Variants in TENM2 observed in about 807,000 individuals in gnomAD.
The protein encoded by TENM2 is teneurin-2.
In TENM2, 52 loss-of-function variants were observed where a neutral mutation model predicts 245.2. That is an observed-to-expected ratio of 0.21 (90% CI 0.17 to 0.27). The LOEUF (loss-of-function observed/expected upper bound fraction) is 0.27, where lower values mean the gene tolerates loss of function less well. TENM2 is among the 10% of genes least tolerant of loss of function. TENM2 has a pLI of 1.00. For synonymous variants in TENM2, 1,363 were observed against 1,438.9 expected, an observed-to-expected ratio of 0.95 and a Z score of 1.19; for missense variants, 3,046 against 3,666.8, an observed-to-expected ratio of 0.83 and a Z score of 4.37.
upstream of TENM2, among the ~76,000 whole-genome samples, chr5:167,282,878 ACTTAATGTC>A (rs1183672112): frequency 6.6e-6 from 1 of 152,076 alleles, no homozygotes; most frequent in Non-Finnish European, 1.5e-5. Flanking sequence ...CAAAAACACT[ACTTAATGTC>A]CTCTAAGCAG....
chr5:167,819,843 T>A (rs963675517), intron 2 of TENM2, among the ~76,000 whole-genome samples: 13 of 152,186 alleles, frequency 8.5e-5, no homozygotes, highest in African/African-American at 2.9e-4. Flanking sequence ...GGGCTGTGGC[T>A]TCAATGGGGC....
intron 12 of TENM2, among the ~76,000 whole-genome samples, chr5:168,139,018 G>A (rs1303377193): frequency 2.0e-5 from 3 of 152,172 alleles, no homozygotes; most frequent in African/African-American, 7.2e-5. Context: ...CCTTCTCACT[G>A]TTTCTATCAA....
chr5:168,092,049 C>T (rs901303851), intron 8 of TENM2, among the ~76,000 whole-genome samples: 1 of 152,064 alleles, frequency 6.6e-6, no homozygotes, highest in African/African-American at 2.4e-5. Context: ...TGTCTAGTAT[C>T]GCTCTTTTTC....
At chr5:167,862,900 C>T (rs558964563) in intron 2 of TENM2, among the ~76,000 whole-genome samples, 60 of 152,310 alleles carry the variant, frequency 3.9e-4, no homozygotes, top group Admixed American at 5.9e-4. Flanking sequence ...GAAGAGAGCT[C>T]GCTGCAGACT....
chr5:167,601,559 G>T (rs1334746536), intron 2 of TENM2, among the ~76,000 whole-genome samples: 2 of 152,210 alleles, frequency 1.3e-5, no homozygotes, highest in African/African-American at 2.4e-5. Context: ...GAAGATCCAT[G>T]AGAGAGTAAC....
At chr5:167,842,767 G>A (rs1394384400) in intron 2 of TENM2, among the ~76,000 whole-genome samples, 3 of 152,006 alleles carry the variant, frequency 2.0e-5, no homozygotes, top group African/African-American at 7.3e-5. Context: ...CTTCCTTGTG[G>A]CAGTGTCAAG....
chr5:167,024,129 A>C, the TENM2 span, among the ~76,000 whole-genome samples: 1 of 152,222 alleles, frequency 6.6e-6, no homozygotes, highest in African/African-American at 2.4e-5. Flanking sequence ...ACTGACAAGC[A>C]ATCAGGTTAG....
chr5:168,041,772 A>G (rs1172296712), intron 5 of TENM2, among the ~76,000 whole-genome samples: 1 of 152,198 alleles, frequency 6.6e-6, no homozygotes, highest in African/African-American at 2.4e-5. Flanking sequence ...TGTTTAGTAA[A>G]TATGTGCTGA....
intron 2 of TENM2, among the ~76,000 whole-genome samples, chr5:167,804,377 G>A (rs544954975): frequency 6.6e-6 from 1 of 152,180 alleles, no homozygotes; most frequent in African/African-American, 2.4e-5. Context: ...ATTCTATGCT[G>A]AGATCTGAGG....
intron 17 of TENM2, among the ~76,000 whole-genome samples, chr5:168,202,138 A>G (rs1355645193): frequency 2.6e-5 from 4 of 152,202 alleles, no homozygotes; most frequent in African/African-American, 4.8e-5. Context: ...TTGCAAAATG[A>G]TAGTTTAATT....
At chr5:167,993,302 G>C in intron 5 of TENM2, 120 bp downstream of exon 7, 1 of 751,246 alleles carries the variant, frequency 1.3e-6, no homozygotes, top group Non-Finnish European at 2.2e-6. Flanking sequence ...GCTCCTGAAA[G>C]ATGTGATAAT....
At chr5:168,240,728 A>AT (rs1357140831) in intron 25 of TENM2, among the ~76,000 whole-genome samples, 11 of 151,900 alleles carry the variant, frequency 7.2e-5, no homozygotes, top group South Asian at 2.1e-4. Context: ...AAGAAAAAAA[A>AT]ATATAAGAAA....
chr5:167,293,018 G>A (rs1453521828), intron 1 of TENM2, among the ~76,000 whole-genome samples: 2 of 152,192 alleles, frequency 1.3e-5, no homozygotes, highest in Admixed American at 1.3e-4. Context: ...GAGCTAGAGT[G>A]GCAGAGAGAG....
the TENM2 span, among the ~76,000 whole-genome samples, chr5:167,018,074 AT>A: frequency 2.6e-5 from 4 of 152,202 alleles, no homozygotes; most frequent in Admixed American, 6.5e-5. Context: ...CTTCTTCATA[AT>A]GTATTCTTTC....
chr5:168,249,453 G>GGTGTGTGTGTGT (rs3084277), intron 27 of TENM2, among the ~76,000 whole-genome samples: 7,736 of 148,858 alleles, frequency 0.052, 660 homozygotes, highest in African/African-American at 0.18. Context: ...GTTCTCTCAA[G>GGTGTGTGTGTGT]GTGTGTGTGT....
At chr5:168,252,488 C>T (rs370717824) in intron 27 of TENM2, among the ~76,000 whole-genome samples, 13 of 151,948 alleles carry the variant, frequency 8.6e-5, no homozygotes, top group Middle Eastern at 3.2e-3. Context: ...ATACCCTGCC[C>T]CCAGCTCTGC....
At chr5:167,586,217 A>G (rs1035026236) in intron 2 of TENM2, among the ~76,000 whole-genome samples, 1 of 152,236 alleles carries the variant, frequency 6.6e-6, no homozygotes, top group African/African-American at 2.4e-5. Context: ...TTTACATTAT[A>G]TTAGGTATTA....
the TENM2 span, among the ~76,000 whole-genome samples, chr5:167,133,199 G>A: frequency 1.8e-4 from 28 of 152,278 alleles, no homozygotes; most frequent in African/African-American, 6.5e-4. Context: ...AAGATAAGGA[G>A]GGAAGGAGGA....
intron 2 of TENM2, among the ~76,000 whole-genome samples, chr5:167,777,367 A>G (rs962687481): frequency 1.3e-5 from 2 of 152,272 alleles, no homozygotes; most frequent in Admixed American, 6.5e-5. Context: ...GAATAAGTAT[A>G]CTTTCAAAAG....
Sources: gnomAD v4.1 joint callset for allele counts (sites outside exome capture counted in the v4.1 genomes callset) on GRCh38, gnomAD v4.1.1 for gene constraint, MANE v1.5 for transcripts, NCBI Gene and HGNC (gene_info 2026-07-23, HGNC 2026-07-21) for gene names.